CHST11: variants seen among roughly 807,000 people sequenced by gnomAD.
CHST11 encodes C4S-1.
CHST11 carries 9 observed loss-of-function variants against 30.4 expected under a neutral mutation model. That is an observed-to-expected ratio of 0.30 (90% CI 0.18 to 0.52). The LOEUF (loss-of-function observed/expected upper bound fraction) is 0.52, where lower values mean the gene tolerates loss of function less well. CHST11 is among the 20% of genes least tolerant of loss of function. The pLI is 0.97. For missense variants in CHST11, 348 were observed against 460.6 expected (o/e 0.76, Z 2.24); for synonymous variants, 152 against 187.8 (o/e 0.81, Z 1.56).
chr12:104,674,907 T>C (rs1455187018), intron 2 of CHST11, among the ~76,000 whole-genome samples: 1 of 152,232 alleles, frequency 6.6e-6, no homozygotes, highest in Non-Finnish European at 1.5e-5. Flanking sequence ...CAGGGGTTAA[T>C]AACATTTAAC....
intron 1 of CHST11, among the ~76,000 whole-genome samples, chr12:104,532,861 TG>T (rs2038199393): frequency 6.6e-6 from 1 of 152,104 alleles, no homozygotes; most frequent in South Asian, 2.1e-4. Flanking sequence ...CATAACCCTC[TG>T]GATGGTCTCA....
intron 2 of CHST11, among the ~76,000 whole-genome samples, chr12:104,613,272 G>GAGAT (rs76809682): frequency 0.057 from 8,665 of 151,384 alleles, 294 homozygotes; most frequent in East Asian, 0.11. Context: ...AAATGTGAGT[G>GAGAT]AGATAGATAG....
intron 2 of CHST11, among the ~76,000 whole-genome samples, chr12:104,647,253 G>A (rs1363259884): frequency 1.3e-5 from 2 of 152,230 alleles, no homozygotes; most frequent in East Asian, 3.8e-4. Context: ...GAGTCCGGCA[G>A]CAGCATGCAA....
At chr12:104,501,366 T>C (rs1169188077) in intron 1 of CHST11, among the ~76,000 whole-genome samples, 1 of 152,212 alleles carries the variant, frequency 6.6e-6, no homozygotes, top group African/African-American at 2.4e-5. Context: ...AGAGGGCACT[T>C]CCCAGTCCCT....
chr12:104,592,812 G>T (rs1191584397), intron 1 of CHST11, among the ~76,000 whole-genome samples: 1 of 152,126 alleles, frequency 6.6e-6, no homozygotes, highest in East Asian at 1.9e-4. Context: ...CTTGGACAGG[G>T]ATCTTATACT....
intron 1 of CHST11, among the ~76,000 whole-genome samples, chr12:104,547,481 G>T (rs1418805748): frequency 6.6e-6 from 1 of 152,224 alleles, no homozygotes; most frequent in Non-Finnish European, 1.5e-5. Context: ...GACTGTGGGT[G>T]CAGGGAGCAG....
At chr12:104,539,566 G>A (rs2038268364) in intron 1 of CHST11, among the ~76,000 whole-genome samples, 1 of 152,112 alleles carries the variant, frequency 6.6e-6, no homozygotes, top group Non-Finnish European at 1.5e-5. Flanking sequence ...AAAGATGGAG[G>A]AGCTAAATTG....
chr12:104,758,154 A>T lies in CHST11; in HGVS notation c.*351A>T, dbSNP rs140809294. Reference sequence around the variant, plus strand: ...TTCTTTTTGTGGCAGCAAAATTCTAACATCTTTCCAGAAGAAATCTATGAT... The same window carrying T: ...TTCTTTTTGTGGCAGCAAAATTCTATCATCTTTCCAGAAGAAATCTATGAT... On this transcript the variant is annotated 3_prime_UTR_variant, in exon 3 of 3. Transcript: ENST00000303694. The T allele has an allele frequency of 1.1e-4, 20 of 177,810 alleles. No individual in the cohort carries two copies. The East Asian group carries it at 2.9e-3, about 26-fold the overall frequency. 11.0% of individuals were successfully genotyped at this position (177,810 alleles called of 1,614,324 possible).
At chr12:104,537,693 CT>C (rs3039113) in intron 1 of CHST11, among the ~76,000 whole-genome samples, 18,268 of 124,150 alleles carry the variant, frequency 0.15, 686 homozygotes, top group East Asian at 0.36. Flanking sequence ...TACCTCCCTG[CT>C]TTTTTTTTTT....
At chr12:104,663,871 TCATCCATCCATC>T (rs767268137) in intron 2 of CHST11, among the ~76,000 whole-genome samples, 1 of 152,102 alleles carries the variant, frequency 6.6e-6, no homozygotes, top group Non-Finnish European at 1.5e-5. Flanking sequence ...ATCCATCTGT[TCATCCATCCATC>T]CATCCATCCA....
intron 2 of CHST11, among the ~76,000 whole-genome samples, chr12:104,628,768 T>G (rs1465253153): frequency 1.3e-5 from 2 of 152,222 alleles, no homozygotes; most frequent in African/African-American, 2.4e-5. Context: ...GGCTGACTCC[T>G]TCTCAGCCTT....
At chr12:104,670,379 C>T (rs529634835) in intron 2 of CHST11, among the ~76,000 whole-genome samples, 1 of 152,216 alleles carries the variant, frequency 6.6e-6, no homozygotes, top group South Asian at 2.1e-4. Flanking sequence ...CTATTCCAGA[C>T]CGTCCATGAA....
chr12:104,691,778 G>A (rs1371218454), intron 2 of CHST11, among the ~76,000 whole-genome samples: 2 of 152,204 alleles, frequency 1.3e-5, no homozygotes, highest in African/African-American at 4.8e-5. Context: ...GTGAGCCACC[G>A]CCCCCAGCCT....
intron 1 of CHST11, among the ~76,000 whole-genome samples, chr12:104,501,890 C>T (rs1257300369): frequency 1.3e-5 from 2 of 152,210 alleles, no homozygotes; most frequent in African/African-American, 2.4e-5. Flanking sequence ...TAATCAGACA[C>T]GTGGCCCTTG....
At chr12:104,644,261 G>T (rs762553583) in intron 2 of CHST11, among the ~76,000 whole-genome samples, 20 of 152,114 alleles carry the variant, frequency 1.3e-4, no homozygotes, top group Non-Finnish European at 1.3e-4. Context: ...CTGCATCTGG[G>T]TGGACTCCCG....
chr12:104,466,326 A>G (rs994446625), intron 1 of CHST11, among the ~76,000 whole-genome samples: 4 of 152,180 alleles, frequency 2.6e-5, no homozygotes, highest in Non-Finnish European at 4.4e-5. Flanking sequence ...TGTTCAAAAA[A>G]AACAAAAAAC....
chr12:104,631,300 C>G (rs61938616), intron 2 of CHST11, among the ~76,000 whole-genome samples: 46,369 of 152,124 alleles, frequency 0.3, 7,753 homozygotes, highest in East Asian at 0.42. Flanking sequence ...TTCCTCAGAC[C>G]TCATAGTTTG....
intron 2 of CHST11, among the ~76,000 whole-genome samples, chr12:104,614,143 C>T (rs2039086194): frequency 6.6e-6 from 1 of 152,208 alleles, no homozygotes; most frequent in Admixed American, 6.5e-5. Context: ...ATCTAAGCAT[C>T]ATGTTGTATA....
At chr12:104,658,828 A>G (rs1265840431) in intron 2 of CHST11, among the ~76,000 whole-genome samples, 1 of 152,258 alleles carries the variant, frequency 6.6e-6, no homozygotes, top group Non-Finnish European at 1.5e-5. Flanking sequence ...AATCCTCATG[A>G]TGACCCTTGA....
Sources: allele counts gnomAD v4.1 joint callset (sites outside exome capture counted in the v4.1 genomes callset), GRCh38; gene constraint gnomAD v4.1.1; transcripts MANE v1.5; gene names NCBI Gene and HGNC (gene_info 2026-07-23, HGNC 2026-07-21).